The following SSB variants were observed in gnomAD, a reference collection of about 807,000 sequenced individuals.
SSB encodes lupus La protein.
A neutral mutation model predicts 52.9 loss-of-function variants in SSB; 17 were observed. The observed-to-expected ratio is 0.32, with a 90% confidence interval of 0.22 to 0.48. The LOEUF (loss-of-function observed/expected upper bound fraction) is 0.48, where lower values mean the gene tolerates loss of function less well. Ranked by LOEUF, SSB falls within the 20% of genes least tolerant of loss-of-function variation. SSB has a pLI of 0.99. For missense variants in SSB, 314 were observed against 463.6 expected (o/e 0.68, Z 2.96); for synonymous variants, 111 against 152.1 (o/e 0.73, Z 1.99).
At chr2:169,806,717 A>G in intron 4 of SSB, 68 bp from the exon 5 acceptor site, 1 of 1,276,624 alleles carries the variant, frequency 7.8e-7, no homozygotes, top group Middle Eastern at 1.9e-4. Context: ...AATGAATCAA[A>G]TTCTCTCCAA....
At chr2:169,801,462 AG>A (rs1332537210) in intron 2 of SSB, among the ~76,000 whole-genome samples, 1 of 148,110 alleles carries the variant, frequency 6.8e-6, no homozygotes, top group South Asian at 2.1e-4. Context: ...TGATGATCTT[AG>A]TTTTTTTCTG....
chr2:169,804,597 A>G (rs1297554980), intron 2 of SSB, among the ~76,000 whole-genome samples: 1 of 151,310 alleles, frequency 6.6e-6, no homozygotes, highest in African/African-American at 2.4e-5. Context: ...TCAGGCTGGA[A>G]TGCAGTGGCA....
intron 6 of SSB, among the ~76,000 whole-genome samples, chr2:169,807,633 T>C (rs1357215643): frequency 6.6e-6 from 1 of 152,162 alleles, no homozygotes; most frequent in Non-Finnish European, 1.5e-5. Context: ...ATACTGATTT[T>C]GCATCTAAAA....
chr2:169,805,928 CTAAT>C, intron 4 of SSB, 89 bp downstream of exon 4: 1 of 1,202,502 alleles, frequency 8.3e-7, no homozygotes, highest in Non-Finnish European at 1.2e-6. Flanking sequence ...CACAGCCTCA[CTAAT>C]TACTGTATGT....
At chr2:169,800,534 C>CAAAA (rs59743225) in intron 1 of SSB, among the ~76,000 whole-genome samples, 2,002 of 78,208 alleles carry the variant, frequency 0.026, 114 homozygotes, top group African/African-American at 0.081. Context: ...GACTCCGTCT[C>CAAAA]AAAAAAAAAA....
chr2:169,804,966 T>A (rs184436711), intron 2 of SSB, among the ~76,000 whole-genome samples: 1 of 152,198 alleles, frequency 6.6e-6, no homozygotes, highest in Admixed American at 6.5e-5. Flanking sequence ...CTGTCTCTAC[T>A]AAAAATAACA....
chr2:169,807,414 G>A (rs906269960), intron 6 of SSB, among the ~76,000 whole-genome samples: 4 of 151,928 alleles, frequency 2.6e-5, no homozygotes, highest in African/African-American at 4.8e-5. Flanking sequence ...TCAGCCTCCT[G>A]AGTAGCTGGG....
chr2:169,807,678 T>C (rs1689855881), intron 6 of SSB, among the ~76,000 whole-genome samples: 2 of 152,098 alleles, frequency 1.3e-5, no homozygotes, highest in Non-Finnish European at 2.9e-5. Context: ...ATTTGGTCTT[T>C]TGTGTGTTTG....
rs1424833543 is a variant in SSB at position 169,811,654 on chromosome 2, T to C, written c.1139-14T>C. ...TTACGTTGAATTTAACAAAAATTAA[T>C]TGTTACGTTATAGGACCTGTGAAAA... On this transcript the variant is annotated splice_polypyrimidine_tract_variant and intron_variant, in intron 11 of 11. Coordinates refer to ENST00000260956, the MANE Select transcript of SSB (RefSeq NM_003142.5). The C allele has an allele frequency of 3.1e-6, 5 of 1,601,778 alleles. No individual in the cohort carries two copies. The highest frequency in any genetic ancestry group is 1.1e-5 in the South Asian group (1 of 88,684).
chr2:169,800,534 C>CAAAAAAAAAAAAAAAAAAAAA lies in SSB; in HGVS notation c.-9-399_-9-398insAAAAAAAAAAAAAAAAAAAAA, dbSNP rs59743225. On this transcript the variant is annotated intron_variant, in intron 1 of 11. Coordinates refer to ENST00000260956, the MANE Select transcript of SSB (RefSeq NM_003142.5). ...GGGCAACAAAAGCGAGACTCCGTCT[C>CAAAAAAAAAAAAAAAAAAAAA]AAAAAAAAAAAAAAAAAAAGAGGTG... 8.2e-4 allele frequency among the ~76,000 whole-genome samples: 64 copies of CAAAAAAAAAAAAAAAAAAAAA among 78,270 alleles called. 3 individuals are homozygous for CAAAAAAAAAAAAAAAAAAAAA. Among genetic ancestry groups the CAAAAAAAAAAAAAAAAAAAAA allele is most frequent in the African/African-American group, 3.2e-3 (57 of 17,702 alleles). The allele number at this position is 78,270 out of a possible 152,430, so 51.3% of individuals were successfully genotyped here. A position where few individuals can be genotyped will look rare whatever the true frequency, so the allele number is the denominator to read the frequency against.
chr2:169,811,823 A>C lies in SSB; in HGVS notation c.*67A>C. The C allele has an allele frequency of 6.2e-7, 1 of 1,613,694 alleles. No individual in the cohort carries two copies. The highest frequency in any genetic ancestry group is 2.2e-5 in the East Asian group (1 of 44,828). ...ACGACTTTTGTTTGCGGGGCTTTTAAAAGGAAAACCGAATTAGGTCCACTT... is the reference window on the plus strand; with the variant it reads ...ACGACTTTTGTTTGCGGGGCTTTTACAAGGAAAACCGAATTAGGTCCACTT... On this transcript the variant is annotated 3_prime_UTR_variant, in exon 12 of 12. Transcript: ENST00000260956.
At chr2:169,808,741 C>T (rs1459776090) in intron 7 of SSB, 119 bp from the exon 8 acceptor site, 8 of 1,051,984 alleles carry the variant, frequency 7.6e-6, no homozygotes, top group Non-Finnish European at 9.8e-6. Flanking sequence ...ATCAAAAAAA[C>T]CTAAGGACTT....
intron 2 of SSB, among the ~76,000 whole-genome samples, chr2:169,804,193 A>G (rs901342869): frequency 6.9e-6 from 1 of 144,748 alleles, no homozygotes; most frequent in African/African-American, 2.6e-5. Context: ...CTTGGCTTGT[A>G]TATTGAGAGT....
chr2:169,799,838 C>A (rs1173780027), intron 1 of SSB, among the ~76,000 whole-genome samples: 2 of 152,170 alleles, frequency 1.3e-5, no homozygotes, highest in East Asian at 3.8e-4. Context: ...TACATCAGTT[C>A]ATAACTAGAG....
At chr2:169,799,145 G>A (rs551145821) in intron 1 of SSB, 169 bp downstream of exon 1, 7 of 152,226 alleles carry the variant, frequency 4.6e-5, no homozygotes, top group South Asian at 2.1e-4. Flanking sequence ...GCGGAGCCGA[G>A]GGGGCGCGGG....
chr2:169,801,046 A>T lies in SSB; in HGVS notation c.66+20A>T. The T allele has an allele frequency of 6.4e-7, 1 of 1,551,414 alleles. No homozygotes were observed. Among genetic ancestry groups the T allele is most frequent in the African/African-American group, 1.4e-5 (1 of 71,348 alleles). ...ATTGAGGTATGATTCCTGTGCTATA[A>T]ACTGCAAAAACAAGTTCCTTGAAAG... On this transcript the variant is annotated intron_variant, in intron 2 of 11. Coordinates refer to ENST00000260956, the MANE Select transcript of SSB (RefSeq NM_003142.5).
At chr2:169,806,130 C>G (rs1219900233) in intron 4 of SSB, 2 of 347,994 alleles carry the variant, frequency 5.7e-6, no homozygotes, top group East Asian at 1.5e-4. Context: ...GCTACCATGC[C>G]TGGCAAAAAA....
intron 2 of SSB, among the ~76,000 whole-genome samples, chr2:169,803,962 C>T (rs1689765412): frequency 6.6e-6 from 1 of 152,164 alleles, no homozygotes; most frequent in African/African-American, 2.4e-5. Context: ...TGTTGTCGAA[C>T]TTCTGGCCTC....
chr2:169,809,825 C>T (rs1248268804), intron 8 of SSB, among the ~76,000 whole-genome samples: 2 of 151,864 alleles, frequency 1.3e-5, no homozygotes, highest in Non-Finnish European at 2.9e-5. Context: ...ACCATGTTAG[C>T]CAGGATGCTC....
Sources: gnomAD v4.1 joint callset for allele counts (sites outside exome capture counted in the v4.1 genomes callset) on GRCh38, gnomAD v4.1.1 for gene constraint, MANE v1.5 for transcripts, NCBI Gene and HGNC (gene_info 2026-07-23, HGNC 2026-07-21) for gene names.